The following ERI1 variants were observed in gnomAD, a reference collection of about 807,000 sequenced individuals.
ERI1 encodes the protein exoribonuclease 1, also known as 3'-5' exoribonuclease 1.
ERI1 carries 39 observed loss-of-function variants against 39.7 expected under a neutral mutation model. The observed-to-expected ratio is 0.98, with a 90% confidence interval of 0.76 to 1.28. The LOEUF (loss-of-function observed/expected upper bound fraction) is 1.28, where lower values mean the gene tolerates loss of function less well. Among genes scored for constraint, ERI1 ranks in the 50% most tolerant of loss-of-function variants. ERI1 has a pLI of 0.00. For missense variants in ERI1, 581 were observed against 416.9 expected, an observed-to-expected ratio of 1.39 and a Z score of -3.43; for synonymous variants, 204 against 149.6, an observed-to-expected ratio of 1.36 and a Z score of -2.65.
At chr8:9,080,812 G>T (rs1253878640) in intron 3 of ERI1, among the ~76,000 whole-genome samples, 1 of 152,092 alleles carries the variant, frequency 6.6e-6, no homozygotes, top group Non-Finnish European at 1.5e-5. Context: ...CTAAATGGGG[G>T]GTGGAGGGCA....
intron 3 of ERI1, among the ~76,000 whole-genome samples, chr8:9,013,710 C>G (rs1393382962): frequency 6.6e-6 from 1 of 152,142 alleles, no homozygotes; most frequent in African/African-American, 2.4e-5. Context: ...CTTACCCCAG[C>G]CCATTCTATC....
At chr8:9,096,082 G>C (rs147412390) in intron 3 of ERI1, among the ~76,000 whole-genome samples, 1 of 152,326 alleles carries the variant, frequency 6.6e-6, no homozygotes, top group East Asian at 1.9e-4. Context: ...CTGAGGGCCT[G>C]AGGTAGAGAG....
chr8:9,010,663 T>C (rs894931239), intron 2 of ERI1, among the ~76,000 whole-genome samples: 38 of 152,308 alleles, frequency 2.5e-4, no homozygotes, highest in African/African-American at 8.9e-4. Flanking sequence ...TTACTTCCAT[T>C]TCATATTTGC....
At chr8:9,003,375 G>A (rs1170135843) in intron 1 of ERI1, among the ~76,000 whole-genome samples, 1 of 152,240 alleles carries the variant, frequency 6.6e-6, no homozygotes, top group Non-Finnish European at 1.5e-5. Context: ...CTCTCTGGGA[G>A]GGAGGAAATC....
chr8:9,051,680 C>T (rs1798361356), intron 3 of ERI1, among the ~76,000 whole-genome samples: 1 of 151,654 alleles, frequency 6.6e-6, no homozygotes, highest in Non-Finnish European at 1.5e-5. Context: ...AGAAGCACGA[C>T]TAAGGGAAAC....
intron 3 of ERI1, among the ~76,000 whole-genome samples, chr8:9,062,035 G>A (rs1309807738): frequency 6.6e-6 from 1 of 152,188 alleles, no homozygotes; most frequent in Admixed American, 6.5e-5. Context: ...ATAAGGCACA[G>A]TCTTGAACTA....
intron 3 of ERI1, among the ~76,000 whole-genome samples, chr8:9,071,979 T>A (rs866091543): frequency 2.6e-5 from 4 of 152,064 alleles, no homozygotes; most frequent in Non-Finnish European, 2.9e-5. Context: ...GGTGGGAGAA[T>A]CATTTGAACC....
chr8:9,061,314 G>A (rs531283091), intron 3 of ERI1, among the ~76,000 whole-genome samples: 1 of 152,318 alleles, frequency 6.6e-6, no homozygotes, highest in Non-Finnish European at 1.5e-5. Context: ...AATAATGTGG[G>A]AGGCCAGATT....
At chr8:9,034,285 A>G (rs561621538), downstream of ERI1, among the ~76,000 whole-genome samples, 118 of 152,358 alleles carry the variant, frequency 7.7e-4, no homozygotes, top group African/African-American at 2.7e-3. Context: ...CTGCTCAATC[A>G]TTGTGGAGCC....
chr8:9,035,813 C>G (rs557279454), downstream of ERI1, among the ~76,000 whole-genome samples: 9 of 152,252 alleles, frequency 5.9e-5, no homozygotes, highest in Non-Finnish European at 1.0e-4. Flanking sequence ...AGTTGAAAAC[C>G]TTCTGGAAAG....
chr8:9,036,746 G>T (rs1374528231), downstream of ERI1, among the ~76,000 whole-genome samples: 1 of 151,998 alleles, frequency 6.6e-6, no homozygotes, highest in African/African-American at 2.4e-5. Flanking sequence ...GTGATTTTCT[G>T]TTTGCTAATG....
chr8:9,034,376 C>T (rs933652763), downstream of ERI1, among the ~76,000 whole-genome samples: 3 of 152,212 alleles, frequency 2.0e-5, no homozygotes, highest in Non-Finnish European at 2.9e-5. Context: ...TTTTAACATA[C>T]TGAAAGTTTG....
chr8:9,041,344 G>C (rs1280809133), intron 3 of ERI1, among the ~76,000 whole-genome samples: 2 of 152,170 alleles, frequency 1.3e-5, no homozygotes. Flanking sequence ...AGGAGAGTAG[G>C]AGGGGGAGCT....
At chr8:9,035,993 C>G (rs772940420), downstream of ERI1, among the ~76,000 whole-genome samples, 1 of 152,128 alleles carries the variant, frequency 6.6e-6, no homozygotes, top group Non-Finnish European at 1.5e-5. Flanking sequence ...GGTGGAAATA[C>G]CAAGAGAACT....
Position 9,003,085 on chromosome 8 carries a change from G to C in ERI1, c.22G>C (p.Glu8Gln), listed in dbSNP as rs1036766746. 2.2e-5 allele frequency: 28 copies of C among 1,248,312 alleles called. 1 individual carries two copies. Among genetic ancestry groups the C allele is most frequent in the African/African-American group, 9.3e-5 (6 of 64,618 alleles). The allele number at this position is 1,248,312 out of a possible 1,614,324, so 77.3% of individuals were successfully genotyped here. A position where few individuals can be genotyped will look rare whatever the true frequency, so the allele number is the denominator to read the frequency against. The change falls in exon 1 of 7, where the codon GAG becomes CAG. Residue 8 changes from glutamate to glutamine, a missense_variant. Transcript: ENST00000250263. MEDPQSK[E>Q]PAGEAVALAL... ...CGGCATGGAGGATCCACAGAGTAAA[G>C]AGCCTGCCGGCGAGGCCGTGGCTCT...
At chr8:9,026,691 G>T (rs1347779063) in intron 6 of ERI1, among the ~76,000 whole-genome samples, 1 of 152,088 alleles carries the variant, frequency 6.6e-6, no homozygotes, top group Admixed American at 6.5e-5. Flanking sequence ...GTACTCAAAA[G>T]AAATTCTCAT....
intron 1 of ERI1, among the ~76,000 whole-genome samples, chr8:9,004,684 CT>C (rs1279162284): frequency 0.018 from 2,286 of 126,754 alleles, 58 homozygotes; most frequent in African/African-American, 0.058. Context: ...AGTAATGATA[CT>C]TTTTTTTTTT....
intron 5 of ERI1, among the ~76,000 whole-genome samples, chr8:9,019,712 AG>A (rs1406599462): frequency 6.6e-6 from 1 of 152,218 alleles, no homozygotes; most frequent in Non-Finnish European, 1.5e-5. Flanking sequence ...TATAGTTGAC[AG>A]TATTATAAGA....
downstream of ERI1, among the ~76,000 whole-genome samples, chr8:9,033,503 G>A (rs192425863): frequency 6.6e-6 from 1 of 152,278 alleles, no homozygotes; most frequent in East Asian, 1.9e-4. Flanking sequence ...CTTATGTAAT[G>A]CAATATATAA....
Sources: gnomAD v4.1 joint callset for allele counts (sites outside exome capture counted in the v4.1 genomes callset) on GRCh38, gnomAD v4.1.1 for gene constraint, MANE v1.5 for transcripts, NCBI Gene and HGNC (gene_info 2026-07-23, HGNC 2026-07-21) for gene names.